Variants in NECAB1 observed in about 807,000 individuals in gnomAD.
The protein encoded by NECAB1 is N-terminal EF-hand calcium binding protein 1, also known as N-terminal EF-hand calcium-binding protein 1.
In NECAB1, 29 loss-of-function variants were observed where a neutral mutation model predicts 57.5. The observed-to-expected ratio is 0.50, with a 90% CI of 0.38 to 0.69. NECAB1 has a LOEUF of 0.69. Ranked by LOEUF, NECAB1 falls within the 30% of genes least tolerant of loss-of-function variation. NECAB1 has a pLI of 0.00. For missense variants in NECAB1, 372 were observed against 413.8 expected (o/e 0.90, Z 0.88); for synonymous variants, 142 against 147.7 (o/e 0.96, Z 0.28).
At chr8:90,828,138 T>C (rs1254177228) in intron 3 of NECAB1, among the ~76,000 whole-genome samples, 2 of 151,660 alleles carry the variant, frequency 1.3e-5, no homozygotes, top group African/African-American at 4.8e-5. Flanking sequence ...GCAGTTTTTT[T>C]TTTTTTCTTT....
At chr8:90,862,975 G>A (rs1808433275) in intron 3 of NECAB1, among the ~76,000 whole-genome samples, 1 of 151,850 alleles carries the variant, frequency 6.6e-6, no homozygotes, top group Non-Finnish European at 1.5e-5. Context: ...TTTATATATT[G>A]CTTAATTTTT....
chr8:90,938,320 A>G (rs1003586677), intron 9 of NECAB1, among the ~76,000 whole-genome samples: 1 of 152,206 alleles, frequency 6.6e-6, no homozygotes, highest in African/African-American at 2.4e-5. Flanking sequence ...CCTATAATAG[A>G]GAAACAAAAA....
chr8:90,807,102 T>C lies in NECAB1; in HGVS notation c.124+5387T>C, dbSNP rs1428639421. On this transcript the variant is annotated intron_variant, in intron 2 of 12. Coordinates refer to ENST00000417640, the MANE Select transcript of NECAB1 (RefSeq NM_022351.5). ...GAATTTGTATACATCTTGAATATGA[T>C]GTTCTGATGCTTCAATATGTGGTAG... 3.3e-5 allele frequency among the ~76,000 whole-genome samples: 5 copies of C among 152,314 alleles called. No individual in the cohort carries two copies. In the East Asian group the frequency reaches 9.6e-4, roughly 29 times the overall value.
chr8:90,846,022 C>T (rs1683029849), intron 3 of NECAB1, among the ~76,000 whole-genome samples: 1 of 152,178 alleles, frequency 6.6e-6, no homozygotes, highest in Non-Finnish European at 1.5e-5. Flanking sequence ...CTTAAATTAT[C>T]TGAAGCAGAG....
intron 3 of NECAB1, 63 bp from the exon 4 acceptor site, chr8:90,872,065 A>T (rs2129846795): frequency 7.7e-7 from 1 of 1,299,732 alleles, no homozygotes; most frequent in Non-Finnish European, 1.1e-6. Flanking sequence ...TTAACTATTT[A>T]AAAACGTAGT....
chr8:90,957,349 G>A lies in NECAB1; in HGVS notation c.*1837G>A, dbSNP rs965630967. ...AGCATATCAAATATTTTGGGTACTA[G>A]GCAGTTTCCAAAGTAGCATGGTAGT... On this transcript the variant is annotated 3_prime_UTR_variant, in exon 13 of 13. Transcript: ENST00000417640. 2 of 151,774 alleles carry A rather than the reference G, an allele frequency of 1.3e-5. No homozygotes were observed. Among genetic ancestry groups the A allele is most frequent in the Non-Finnish European group, 2.9e-5 (2 of 67,848 alleles). 9.4% of individuals were successfully genotyped at this position (151,774 alleles called of 1,614,324 possible).
chr8:90,828,671 T>C (rs546940292), intron 3 of NECAB1, among the ~76,000 whole-genome samples: 2 of 152,192 alleles, frequency 1.3e-5, no homozygotes, highest in Admixed American at 1.3e-4. Flanking sequence ...ACCTTTTAAA[T>C]TATTAAATTG....
At position 90,802,872 on chromosome 8, in the gene NECAB1, A is replaced by G. The variant is rs1330867109; in HGVS notation, c.124+1157A>G. ...TGAAGCATTTCACTATTTTGTTTTTAGTTTTAGTTTTTGGGTTTTTTGTTT... is the reference window on the plus strand; with the variant it reads ...TGAAGCATTTCACTATTTTGTTTTTGGTTTTAGTTTTTGGGTTTTTTGTTT... On this transcript the variant is annotated intron_variant, in intron 2 of 12. Transcript: ENST00000417640. Among the ~76,000 whole-genome samples the G allele has an allele frequency of 3.3e-5, 5 of 151,916 alleles. No homozygotes were observed. The South Asian group carries it at 6.2e-4, about 19-fold the overall frequency.
chr8:90,814,805 G>A (rs1465259645), intron 2 of NECAB1, among the ~76,000 whole-genome samples: 2 of 152,000 alleles, frequency 1.3e-5, no homozygotes, highest in African/African-American at 4.8e-5. Context: ...GAGGAACTCA[G>A]GTCTTTTTTA....
intron 4 of NECAB1, among the ~76,000 whole-genome samples, chr8:90,875,437 C>T (rs561304701): frequency 8.3e-5 from 11 of 132,058 alleles, no homozygotes; most frequent in East Asian, 2.5e-4. Flanking sequence ...GCCGAGATTG[C>T]GCCACTGCAG....
At chr8:90,837,566 T>A (rs1182234569) in intron 3 of NECAB1, among the ~76,000 whole-genome samples, 1 of 152,194 alleles carries the variant, frequency 6.6e-6, no homozygotes, top group East Asian at 1.9e-4. Flanking sequence ...CTACGAAAAG[T>A]GAAACATTGG....
chr8:90,911,014 T>C (rs1209322278), intron 5 of NECAB1, among the ~76,000 whole-genome samples: 3 of 152,190 alleles, frequency 2.0e-5, no homozygotes, highest in Non-Finnish European at 4.4e-5. Flanking sequence ...TCATTGTCTA[T>C]TGGAGCTTTT....
At chr8:90,797,050 G>A (rs1811673584) in intron 1 of NECAB1, among the ~76,000 whole-genome samples, 1 of 152,190 alleles carries the variant, frequency 6.6e-6, no homozygotes, top group Non-Finnish European at 1.5e-5. Context: ...GTAAGAAATA[G>A]GATGCGTTTC....
At chr8:90,935,488 G>T (rs60932614) in intron 9 of NECAB1, among the ~76,000 whole-genome samples, 1 of 152,096 alleles carries the variant, frequency 6.6e-6, no homozygotes, top group Non-Finnish European at 1.5e-5. Flanking sequence ...GACTTTCATG[G>T]GAAAGAGAGG....
At chr8:90,913,094 C>A (rs2130094684) in intron 5 of NECAB1, among the ~76,000 whole-genome samples, 1 of 152,254 alleles carries the variant, frequency 6.6e-6, no homozygotes, top group East Asian at 1.9e-4. Flanking sequence ...TCCTAATTAA[C>A]TCAGATGATT....
intron 2 of NECAB1, among the ~76,000 whole-genome samples, chr8:90,814,584 A>G (rs1026469112): frequency 6.6e-6 from 1 of 152,194 alleles, no homozygotes; most frequent in Non-Finnish European, 1.5e-5. Flanking sequence ...TATTTATTGT[A>G]TACTTTGGAT....
chr8:90,817,984 T>C (rs992830261), intron 2 of NECAB1, among the ~76,000 whole-genome samples: 4 of 151,870 alleles, frequency 2.6e-5, no homozygotes, highest in African/African-American at 4.8e-5. Context: ...ATTTAATATA[T>C]ATCAATCTAC....
chr8:90,878,619 C>G (rs1420910454), intron 4 of NECAB1, among the ~76,000 whole-genome samples: 2 of 152,104 alleles, frequency 1.3e-5, no homozygotes, highest in Non-Finnish European at 2.9e-5. Context: ...AATTCTCTTC[C>G]TTCTCAGTCA....
intron 5 of NECAB1, among the ~76,000 whole-genome samples, chr8:90,907,868 C>T (rs1451089018): frequency 6.6e-6 from 1 of 152,070 alleles, no homozygotes. Context: ...TAGTGAGCCA[C>T]AAGGGAAAAT....
Sources: allele counts gnomAD v4.1 joint callset (sites outside exome capture counted in the v4.1 genomes callset), GRCh38; gene constraint gnomAD v4.1.1; transcripts MANE v1.5; gene names NCBI Gene and HGNC (gene_info 2026-07-23, HGNC 2026-07-21).